The following ATG2B variants were observed in gnomAD, a reference collection of about 807,000 sequenced individuals.
ATG2B encodes autophagy related 2B.
Under a neutral mutation model 241.3 loss-of-function variants are expected in ATG2B, and 121 were observed. The observed-to-expected ratio is 0.50, with a 90% CI of 0.43 to 0.58. The LOEUF (loss-of-function observed/expected upper bound fraction) is 0.58, where lower values mean the gene tolerates loss of function less well. ATG2B is among the 20% of genes least tolerant of loss of function. ATG2B has a pLI of 0.00. For synonymous variants in ATG2B, 858 were observed against 876.6 expected (o/e 0.98, Z 0.37); for missense variants, 2,306 against 2,491.6 (o/e 0.93, Z 1.59).
At chr14:96,314,515 A>T (rs1887251023) in intron 23 of ATG2B, among the ~76,000 whole-genome samples, 1 of 152,224 alleles carries the variant, frequency 6.6e-6, no homozygotes. Context: ...AATTCAACAC[A>T]CCATTCACTG....
rs777336118 is a variant in ATG2B at position 96,306,734 on chromosome 14, C to A, written c.4486G>T (p.Ala1496Ser). ...TENDDFCILFAPKAAMQEKEE... is the reference protein window; with the variant it reads ...TENDDFCILFSPKAAMQEKEE... ...ATTACCTGCATGGCTGCTTTTGGTG[C>A]AAAAAGAATGCAAAAGTCATCATTC... is the stretch of plus-strand genomic sequence containing the variant. The change falls in exon 30 of 42, where the codon GCA becomes TCA. Residue 1496 changes from alanine (A) to serine (S), a missense_variant. Ala to Ser is a moderately conservative substitution (Grantham distance 99). This residue lies in a region of ATG2B where 1,927 missense variants were observed against 2,011.2 expected (regional missense o/e 0.96). Transcript: ENST00000359933. 3 of 1,613,466 alleles carry A rather than the reference C, an allele frequency of 1.9e-6. No individual in the cohort carries two copies. The highest frequency in any genetic ancestry group is 2.5e-6 in the Non-Finnish European group (3 of 1,179,692).
intron 16 of ATG2B, 28 bp downstream of exon 16, chr14:96,323,868 T>C (rs1887520310): frequency 7.2e-7 from 1 of 1,384,194 alleles, no homozygotes; most frequent in Non-Finnish European, 1.0e-6. Context: ...AGGAAAATCC[T>C]ATTAAACCTA....
intron 6 of ATG2B, among the ~76,000 whole-genome samples, chr14:96,341,151 CCTTTA>C (rs1226780657): frequency 6.6e-6 from 1 of 152,062 alleles, no homozygotes; most frequent in Non-Finnish European, 1.5e-5. Context: ...AATCTCTTTT[CCTTTA>C]AACTTAATTT....
intron 18 of ATG2B, among the ~76,000 whole-genome samples, chr14:96,319,602 G>A (rs557431064): frequency 6.6e-6 from 1 of 152,068 alleles, no homozygotes; most frequent in Non-Finnish European, 1.5e-5. Context: ...AAAATAAAAG[G>A]ATAGTATTGA....
Position 96,309,527 on chromosome 14 carries a change from C to T in ATG2B, c.4229G>A (p.Arg1410Gln), listed in dbSNP as rs202041291. The T allele has an allele frequency of 1.8e-4, 283 of 1,613,906 alleles. 1 individual carries two copies. Among genetic ancestry groups the T allele is most frequent in the Non-Finnish European group, 2.1e-4 (250 of 1,179,962 alleles). ...VLPEADQQML[R>Q]DLMSDAMEEI... ...CTCCATAGCATCACTCATCAGATCT[C>T]GTAACATTTGTTGATCTGCTTCAGG... The change falls in exon 29 of 42, where the codon CGA becomes CAA. Residue 1410 changes from arginine to glutamine, a missense_variant. Arg to Gln is a conservative substitution (Grantham distance 43). Transcript: ENST00000359933.
Position 96,281,102 on chromosome 14 carries a change from C to T in ATG2B, c.*4653G>A, listed in dbSNP as rs1013435174. ...CTCCATACAGCTCAGCAATCAGTAGCAGACAGACCCAAGATCTGCTATCAG... is the reference window on the plus strand; with the variant it reads ...CTCCATACAGCTCAGCAATCAGTAGTAGACAGACCCAAGATCTGCTATCAG... On this transcript the variant is annotated 3_prime_UTR_variant, in exon 42 of 42. Transcript: ENST00000359933. 3 of 152,142 alleles carry T rather than the reference C, an allele frequency of 2.0e-5. No homozygotes were observed. Among genetic ancestry groups the T allele is most frequent in the African/African-American group, 7.2e-5 (3 of 41,420 alleles). 9.4% of individuals were successfully genotyped at this position (152,142 alleles called of 1,614,324 possible). A position where few individuals can be genotyped will look rare whatever the true frequency, so the allele number is the denominator to read the frequency against.
chr14:96,314,222 A>T (rs1258939234), intron 23 of ATG2B, among the ~76,000 whole-genome samples: 2 of 152,244 alleles, frequency 1.3e-5, no homozygotes, highest in Admixed American at 1.3e-4. Context: ...TCAAGTTTTT[A>T]AATAATGTAT....
At position 96,295,274 on chromosome 14, in the gene ATG2B, T is replaced by C. The variant is rs964057999; in HGVS notation, c.5219-107A>G. On this transcript the variant is annotated intron_variant, in intron 35 of 41. Transcript: ENST00000359933. ...TTTTCTACATTTTATTTAATCAAAATACGATTCTTGTTACAGAGAAAATTT... is the reference window on the plus strand; with the variant it reads ...TTTTCTACATTTTATTTAATCAAAACACGATTCTTGTTACAGAGAAAATTT... The C allele has an allele frequency of 4.9e-5, 55 of 1,115,926 alleles. No individual in the cohort carries two copies. In the Middle Eastern group the frequency reaches 1.3e-3, roughly 26 times the overall value. The allele number at this position is 1,115,926 out of a possible 1,614,324, so 69.1% of individuals were successfully genotyped here.
At chr14:96,299,383 CA>C (rs1886729586) in intron 34 of ATG2B, among the ~76,000 whole-genome samples, 1 of 152,190 alleles carries the variant, frequency 6.6e-6, no homozygotes, top group Non-Finnish European at 1.5e-5. Context: ...CACTTGTACT[CA>C]CCACAGCACA....
chr14:96,348,539 C>G (rs1329477659), intron 1 of ATG2B, among the ~76,000 whole-genome samples: 1 of 151,800 alleles, frequency 6.6e-6, no homozygotes, highest in African/African-American at 2.4e-5. Context: ...AAAAATTAGC[C>G]AGGCGTGGTA....
chr14:96,282,046 A>C lies in ATG2B; in HGVS notation c.*3709T>G, dbSNP rs1304088925. 1 of 152,236 alleles carries C rather than the reference A, an allele frequency of 6.6e-6. No homozygotes were observed. Among genetic ancestry groups the C allele is most frequent in the East Asian group, 1.9e-4 (1 of 5,202 alleles). 9.4% of individuals were successfully genotyped at this position (152,236 alleles called of 1,614,324 possible). A position where few individuals can be genotyped will look rare whatever the true frequency, so the allele number is the denominator to read the frequency against. On this transcript the variant is annotated 3_prime_UTR_variant, in exon 42 of 42. Coordinates refer to ENST00000359933, the MANE Select transcript of ATG2B (RefSeq NM_018036.7). ...GTCTATTCAAGGGGGCAGTGTGCCT[A>C]GCATGATCCTGAAATGTTGAGATAA...
intron 34 of ATG2B, 79 bp downstream of exon 34, chr14:96,301,928 A>G: frequency 8.6e-7 from 1 of 1,156,204 alleles, no homozygotes; most frequent in Admixed American, 2.1e-5. Flanking sequence ...TTCAATAATG[A>G]TAAACATTAC....
chr14:96,356,265 C>T (rs1028865979), intron 1 of ATG2B, among the ~76,000 whole-genome samples: 20 of 152,000 alleles, frequency 1.3e-4, no homozygotes, highest in African/African-American at 4.8e-4. Context: ...TTTATACCTA[C>T]ATTTACACCT....
intron 34 of ATG2B, 34 bp from the exon 35 acceptor site, chr14:96,295,594 G>C (rs1173730706): frequency 1.4e-6 from 2 of 1,390,096 alleles, no homozygotes; most frequent in South Asian, 2.5e-5. Flanking sequence ...AACTAAGGAA[G>C]AAAAGAATCA....
At chr14:96,343,539 C>G (rs1050782030) in intron 4 of ATG2B, among the ~76,000 whole-genome samples, 1 of 152,116 alleles carries the variant, frequency 6.6e-6, no homozygotes, top group Non-Finnish European at 1.5e-5. Flanking sequence ...TATGGTCAGT[C>G]TCACCATGCT....
At chr14:96,298,683 T>A (rs757797383) in intron 34 of ATG2B, among the ~76,000 whole-genome samples, 19 of 152,190 alleles carry the variant, frequency 1.2e-4, no homozygotes, top group Non-Finnish European at 2.5e-4. Flanking sequence ...TCCATTTACA[T>A]GAAGTTGCAG....
chr14:96,346,169 T>C (rs1349976685), intron 2 of ATG2B, among the ~76,000 whole-genome samples: 1 of 152,122 alleles, frequency 6.6e-6, no homozygotes, highest in Non-Finnish European at 1.5e-5. Context: ...AATTAGTATA[T>C]ATGTAGATAA....
intron 33 of ATG2B, 110 bp from the exon 34 acceptor site, chr14:96,302,218 A>G: frequency 1.5e-6 from 1 of 666,836 alleles, no homozygotes; most frequent in Admixed American, 3.0e-5. Context: ...CATATGAGAA[A>G]AAGAGGAATT....
At chr14:96,323,436 G>A (rs540386016) in intron 16 of ATG2B, among the ~76,000 whole-genome samples, 7 of 152,300 alleles carry the variant, frequency 4.6e-5, no homozygotes, top group African/African-American at 1.7e-4. Flanking sequence ...AACCCTCAAA[G>A]AGAATAGCTG....
Sources: allele counts gnomAD v4.1 joint callset (sites outside exome capture counted in the v4.1 genomes callset), GRCh38; gene constraint gnomAD v4.1.1; regional missense constraint gnomAD v4.1.1; transcripts MANE v1.5; gene names NCBI Gene and HGNC (gene_info 2026-07-23, HGNC 2026-07-21).